RFXAP: variants seen among roughly 807,000 people sequenced by gnomAD.
RFXAP encodes regulatory factor X associated protein.
RFXAP carries 21 observed loss-of-function variants against 25.7 expected under a neutral mutation model. The ratio of observed to expected loss-of-function variants is 0.82; its 90% confidence interval spans 0.58 to 1.18. RFXAP has a LOEUF of 1.18. Among genes scored for constraint, RFXAP ranks in the 50% most tolerant of loss-of-function variants. The pLI is 0.00. For synonymous variants in RFXAP, 161 were observed against 152.2 expected (o/e 1.06, Z -0.43); for missense variants, 333 against 363.0 (o/e 0.92, Z 0.67).
At position 36,828,207 on chromosome 13, in the gene RFXAP, C is replaced by G. The variant is rs1357143556; in HGVS notation, c.*454C>G. On this transcript the variant is annotated 3_prime_UTR_variant, in exon 3 of 3. Transcript: ENST00000255476. ...ATGTTCTGCAGTGTCAGGGGTAGTCCCACATACTAAAGATTGTCTCACCCG... is the reference window on the plus strand; with the variant it reads ...ATGTTCTGCAGTGTCAGGGGTAGTCGCACATACTAAAGATTGTCTCACCCG... The G allele has an allele frequency of 6.1e-6, 1 of 163,898 alleles. No individual in the cohort carries two copies. The highest frequency in any genetic ancestry group is 1.8e-4 in the East Asian group (1 of 5,688). The allele number at this position is 163,898 out of a possible 1,614,324, so 10.2% of individuals were successfully genotyped here. A position where few individuals can be genotyped will look rare whatever the true frequency, so the allele number is the denominator to read the frequency against.
At position 36,819,797 on chromosome 13, in the gene RFXAP, G is replaced by C; in HGVS notation, c.440G>C (p.Ser147Thr). The C allele has an allele frequency of 6.3e-7, 1 of 1,587,224 alleles. No individual in the cohort carries two copies. The highest frequency in any genetic ancestry group is 8.6e-7 in the Non-Finnish European group (1 of 1,165,914). Residue 147 changes from serine (S) to threonine (T), a missense_variant, in exon 1 of 3, where the codon AGC (serine) becomes ACC (threonine). Coordinates refer to ENST00000255476, the MANE Select transcript of RFXAP (RefSeq NM_000538.4). ...MSKTCTYEGC[S>T]ETTSQVAKQR... ...AAGACCTGCACCTACGAAGGCTGCA[G>C]CGAGACCACGAGCCAGGTGGCCAAG...
chr13:36,822,567 T>C (rs950533628), intron 1 of RFXAP, among the ~76,000 whole-genome samples: 14 of 152,280 alleles, frequency 9.2e-5, no homozygotes, highest in Admixed American at 9.2e-4. Context: ...TATTTACTTA[T>C]CTAATTTTTT....
intron 2 of RFXAP, 119 bp from the exon 3 acceptor site, chr13:36,827,524 C>G: frequency 1.4e-6 from 1 of 709,022 alleles, no homozygotes; most frequent in South Asian, 1.9e-5. Context: ...GCTTTTGATT[C>G]AGGCATATTC....
chr13:36,819,828 C>G lies in RFXAP; in HGVS notation c.471C>G (p.Arg157=), dbSNP rs370687966. The change falls in exon 1 of 3, where the codon CGC becomes CGG. Residue 157 remains arginine, a synonymous_variant. Coordinates refer to ENST00000255476, the MANE Select transcript of RFXAP (RefSeq NM_000538.4). ...CCACGAGCCAGGTGGCCAAGCAGCG[C>G]AAACCGTGGATGTGCAAGAAACACC... ...SETTSQVAKQ[R]KPWMCKKHRN... is the part of the protein sequence containing the mutation. 2.5e-6 allele frequency: 4 copies of G among 1,603,230 alleles called. No homozygotes were observed. The highest frequency in any genetic ancestry group is 3.4e-6 in the Non-Finnish European group (4 of 1,174,540).
At chr13:36,827,545 A>G in intron 2 of RFXAP, 98 bp from the exon 3 acceptor site, 1 of 855,032 alleles carries the variant, frequency 1.2e-6, no homozygotes, top group Non-Finnish European at 1.9e-6. Flanking sequence ...TTGTGAACAT[A>G]TTGTATCATA....
intron 2 of RFXAP, among the ~76,000 whole-genome samples, chr13:36,826,454 C>T (rs1400919684): frequency 2.0e-5 from 3 of 152,254 alleles, no homozygotes; most frequent in East Asian, 1.9e-4. Flanking sequence ...ATGAAATGGA[C>T]ATTCTCAAGT....
Position 36,819,247 on chromosome 13 carries a change from T to A in RFXAP, c.-111T>A. 9.9e-7 allele frequency: 1 copy of A among 1,009,986 alleles called. No individual in the cohort carries two copies. Among genetic ancestry groups the A allele is most frequent in the Non-Finnish European group, 1.2e-6 (1 of 804,364 alleles). 62.6% of individuals were successfully genotyped at this position (1,009,986 alleles called of 1,614,324 possible). ...AGGCGCAGTCGGGGCGCCTTCCCGG[T>A]ATAGGCGCCTTTTACCCCAGCGTGT... On this transcript the variant is annotated 5_prime_UTR_variant, in exon 1 of 3. Coordinates refer to ENST00000255476, the MANE Select transcript of RFXAP (RefSeq NM_000538.4).
intron 1 of RFXAP, among the ~76,000 whole-genome samples, chr13:36,824,926 G>A (rs771782599): frequency 1.3e-5 from 2 of 151,980 alleles, no homozygotes; most frequent in Non-Finnish European, 2.9e-5. Flanking sequence ...ATTTGTTTTG[G>A]TTGCCAACTG....
At position 36,828,645 on chromosome 13, in the gene RFXAP, A is replaced by G. The variant is rs1432650791; in HGVS notation, c.*892A>G. 1.7e-4 allele frequency: 26 copies of G among 152,218 alleles called. No individual in the cohort carries two copies. Among genetic ancestry groups the G allele is most frequent in the Admixed American group, 1.6e-3 (25 of 15,282 alleles). The allele number at this position is 152,218 out of a possible 1,614,324, so 9.4% of individuals were successfully genotyped here. A position where few individuals can be genotyped will look rare whatever the true frequency, so the allele number is the denominator to read the frequency against. Reference sequence around the variant, plus strand: ...TACTTATTTTTTATTAAACAAAATGAAAAAGATCCTTTTCAAAAAGGTGAT... The same window carrying G: ...TACTTATTTTTTATTAAACAAAATGGAAAAGATCCTTTTCAAAAAGGTGAT... On this transcript the variant is annotated 3_prime_UTR_variant, in exon 3 of 3. Transcript: ENST00000255476.
rs1167500723 is a variant in RFXAP, at chr13:36,819,623, A to G, written c.266A>G (p.Glu89Gly). The G allele has an allele frequency of 1.9e-6, 3 of 1,542,952 alleles. No individual in the cohort carries two copies. Among genetic ancestry groups the G allele is most frequent in the African/African-American group, 1.4e-5 (1 of 72,888 alleles). ...GDGEEEAGEDEADLLDTSDPP... is the reference protein window; with the variant it reads ...GDGEEEAGEDGADLLDTSDPP... Reference sequence around the variant, plus strand: ...GGCGAAGAGGAGGCTGGGGAGGACGAGGCGGACCTGTTAGACACTTCGGAC... The same window carrying G: ...GGCGAAGAGGAGGCTGGGGAGGACGGGGCGGACCTGTTAGACACTTCGGAC... Residue 89 changes from glutamate to glycine, a missense_variant, in exon 1 of 3, where the codon GAG becomes GGG. Transcript: ENST00000255476.
chr13:36,826,141 C>A (rs930790586), intron 2 of RFXAP, among the ~76,000 whole-genome samples: 1 of 152,100 alleles, frequency 6.6e-6, no homozygotes, highest in South Asian at 2.1e-4. Context: ...CCACTGTACT[C>A]CAGCCTAGGC....
rs776258179 is a variant in RFXAP at position 36,827,652 on chromosome 13, A to G, written c.718A>G (p.Arg240Gly). The G allele has an allele frequency of 1.1e-5, 17 of 1,613,250 alleles. No individual in the cohort carries two copies. Among genetic ancestry groups the G allele is most frequent in the African/African-American group, 1.3e-5 (1 of 74,920 alleles). The change falls in exon 3 of 3, where the codon AGA becomes GGA. Residue 240 changes from arginine to glycine, a missense_variant. By Grantham distance (125) the Arg-to-Gly change is moderately radical. Coordinates refer to ENST00000255476, the MANE Select transcript of RFXAP (RefSeq NM_000538.4). ...VLNQKRLSLL[R>G]SPEVVQFLQK... ...TTCTTTTCTTTCTAAGTCGTTACTA[A>G]GAAGTCCAGAAGTAGTGCAATTTTT...
At position 36,819,683 on chromosome 13, in the gene RFXAP, A is replaced by T; in HGVS notation, c.326A>T (p.Glu109Val). 1 of 1,548,888 alleles carries T rather than the reference A, an allele frequency of 6.5e-7. No individual in the cohort carries two copies. The highest frequency in any genetic ancestry group is 8.7e-7 in the Non-Finnish European group (1 of 1,145,712). ...PGGGESAASL[E>V]DLEDEETHSG... is the part of the protein sequence containing the mutation. Reference sequence around the variant, plus strand: ...GGAGGCGAGAGCGCGGCTAGTTTGGAGGATCTAGAGGACGAGGAGACTCAC... The same window carrying T: ...GGAGGCGAGAGCGCGGCTAGTTTGGTGGATCTAGAGGACGAGGAGACTCAC... The change falls in exon 1 of 3, where the codon GAG (glutamate) becomes GTG (valine). Residue 109 changes from glutamate (E) to valine (V), a missense_variant. Coordinates refer to ENST00000255476, the MANE Select transcript of RFXAP (RefSeq NM_000538.4).
At chr13:36,826,127 C>T (rs540875877) in intron 2 of RFXAP, among the ~76,000 whole-genome samples, 1 of 152,262 alleles carries the variant, frequency 6.6e-6, no homozygotes. Flanking sequence ...GAGCTATGAT[C>T]ATACCACTGT....
At chr13:36,821,357 T>C (rs1311322489) in intron 1 of RFXAP, among the ~76,000 whole-genome samples, 2 of 152,060 alleles carry the variant, frequency 1.3e-5, no homozygotes, top group Non-Finnish European at 2.9e-5. Flanking sequence ...ACCTTGTAAT[T>C]GTTTACAAAT....
intron 1 of RFXAP, among the ~76,000 whole-genome samples, chr13:36,823,384 A>T (rs2138215892): frequency 6.6e-6 from 1 of 152,350 alleles, no homozygotes; most frequent in Non-Finnish European, 1.5e-5. Context: ...TTCATGAGAG[A>T]GAAATTTGGA....
At chr13:36,820,064 T>G (rs1441422897) in intron 1 of RFXAP, 107 bp downstream of exon 1, 4 of 1,483,824 alleles carry the variant, frequency 2.7e-6, no homozygotes, top group Non-Finnish European at 3.7e-6. Context: ...ATGGGCCGGT[T>G]TGCAGTGACT....
rs774923624 is a variant in RFXAP at position 36,827,649 on chromosome 13, C to G, written c.715C>G (p.Leu239Val). 2.9e-5 allele frequency: 46 copies of G among 1,612,666 alleles called. No individual in the cohort carries two copies. Among genetic ancestry groups the G allele is most frequent in the Non-Finnish European group, 3.9e-5 (46 of 1,179,082 alleles). ...QVLNQKRLSLLRSPEVVQFLQ... is the reference protein window; with the variant it reads ...QVLNQKRLSLVRSPEVVQFLQ... Reference sequence around the variant, plus strand: ...TTTTTCTTTTCTTTCTAAGTCGTTACTAAGAAGTCCAGAAGTAGTGCAATT... The same window carrying G: ...TTTTTCTTTTCTTTCTAAGTCGTTAGTAAGAAGTCCAGAAGTAGTGCAATT... The change falls in exon 3 of 3, where the codon CTA (leucine) becomes GTA (valine). Residue 239 changes from leucine to valine, a missense_variant. Physicochemically the swap from Leu to Val is conservative, Grantham distance 32 (BLOSUM62 1). Coordinates refer to ENST00000255476, the MANE Select transcript of RFXAP (RefSeq NM_000538.4).
At chr13:36,826,574 C>T (rs2057978584) in intron 2 of RFXAP, among the ~76,000 whole-genome samples, 1 of 152,092 alleles carries the variant, frequency 6.6e-6, no homozygotes, top group Non-Finnish European at 1.5e-5. Flanking sequence ...AAGACATTTA[C>T]AGAATGTAAA....
Sources: gnomAD v4.1 joint callset for allele counts (sites outside exome capture counted in the v4.1 genomes callset) on GRCh38, gnomAD v4.1.1 for gene constraint, MANE v1.5 for transcripts, NCBI Gene and HGNC (gene_info 2026-07-23, HGNC 2026-07-21) for gene names.